The following ASXL2 variants were observed in gnomAD, a reference collection of about 807,000 sequenced individuals.
ASXL2 encodes the protein putative Polycomb group protein ASXL2.
In ASXL2, 23 loss-of-function variants were observed where a neutral mutation model predicts 122.0. The observed-to-expected ratio is 0.19, with a 90% CI of 0.14 to 0.27. The LOEUF (loss-of-function observed/expected upper bound fraction) is 0.27, where lower values mean the gene tolerates loss of function less well. Among genes scored for constraint, ASXL2 ranks in the 10% least tolerant of loss-of-function variants. The pLI, the probability that ASXL2 is intolerant of heterozygous loss-of-function variation, is 1.00. For missense variants in ASXL2, 1,518 were observed against 1,713.8 expected (o/e 0.89, Z 2.02); for synonymous variants, 650 against 637.0 (o/e 1.02, Z -0.31).
intron 1 of ASXL2, chr2:25,856,379 T>G: frequency 2.2e-6 from 1 of 453,402 alleles, no homozygotes; most frequent in South Asian, 2.0e-5. Flanking sequence ...TTTTTTTTTT[T>G]TTTTTGACAC....
intron 3 of ASXL2, among the ~76,000 whole-genome samples, chr2:25,807,810 C>T (rs1362021554): frequency 1.3e-5 from 2 of 152,070 alleles, no homozygotes; most frequent in Non-Finnish European, 2.9e-5. Flanking sequence ...AACATGAGGT[C>T]ATGCCATAGT....
chr2:25,824,132 A>G (rs1005902994), intron 3 of ASXL2, among the ~76,000 whole-genome samples: 1 of 152,212 alleles, frequency 6.6e-6, no homozygotes, highest in African/African-American at 2.4e-5. Context: ...GCTGAAATTA[A>G]TAATTTGAAA....
intron 3 of ASXL2, among the ~76,000 whole-genome samples, chr2:25,833,287 C>T (rs990523790): frequency 6.6e-6 from 1 of 152,200 alleles, no homozygotes; most frequent in African/African-American, 2.4e-5. Flanking sequence ...AAGGTTACTT[C>T]CTACAACTGC....
Position 25,741,933 on chromosome 2 carries a change from A to T in ASXL2, c.*96T>A. On this transcript the variant is annotated 3_prime_UTR_variant, in exon 13 of 13. Transcript: ENST00000435504. ...TTGTCTCTGAAGACAACTGAAACCT[A>T]CTTGTTTATTTCTGTGATTCCAAAA... 1 of 1,203,540 alleles carries T rather than the reference A, an allele frequency of 8.3e-7. No individual in the cohort carries two copies. Among genetic ancestry groups the T allele is most frequent in the Non-Finnish European group, 1.2e-6 (1 of 853,068 alleles). The allele number at this position is 1,203,540 out of a possible 1,614,324, so 74.6% of individuals were successfully genotyped here.
chr2:25,801,977 T>C (rs1204161923), intron 4 of ASXL2, among the ~76,000 whole-genome samples: 1 of 152,218 alleles, frequency 6.6e-6, no homozygotes, highest in Non-Finnish European at 1.5e-5. Flanking sequence ...CCTCCAATGT[T>C]TGATCTCTAC....
intron 9 of ASXL2, among the ~76,000 whole-genome samples, chr2:25,757,405 G>A (rs1229909236): frequency 2.7e-5 from 4 of 150,810 alleles, no homozygotes; most frequent in Non-Finnish European, 4.4e-5. Context: ...TTGGGAGGCC[G>A]AGGCAGGTGG....
chr2:25,866,996 G>A (rs547407661), intron 1 of ASXL2, among the ~76,000 whole-genome samples: 23 of 152,244 alleles, frequency 1.5e-4, no homozygotes, highest in African/African-American at 5.3e-4. Flanking sequence ...CGCCTCCCAG[G>A]TTCAAGCGAT....
intron 5 of ASXL2, among the ~76,000 whole-genome samples, chr2:25,778,458 G>T (rs537723001): frequency 2.9e-4 from 44 of 152,346 alleles, no homozygotes; most frequent in Middle Eastern, 3.4e-3. Flanking sequence ...CTTGCTTTCA[G>T]ACTTCTGGCA....
intron 2 of ASXL2, among the ~76,000 whole-genome samples, chr2:25,836,227 A>T (rs1174910036): frequency 6.6e-6 from 1 of 152,344 alleles, no homozygotes; most frequent in African/African-American, 2.4e-5. Context: ...AAATATTTTT[A>T]AAATGTTTAA....
intron 2 of ASXL2, among the ~76,000 whole-genome samples, chr2:25,836,641 C>A (rs1392123753): frequency 6.6e-6 from 1 of 152,204 alleles, no homozygotes; most frequent in Non-Finnish European, 1.5e-5. Flanking sequence ...AAATCTCAGT[C>A]TCTAAAATGT....
Position 25,740,806 on chromosome 2 carries a change from AAT to A in ASXL2, c.*1221_*1222del, listed in dbSNP as rs998601721. ...GGGCTATATTTTCTAAAACAGGAAA[AAT>A]GTCTTGTATTGTGTGTGTGTGTGTA... On this transcript the variant is annotated 3_prime_UTR_variant, in exon 13 of 13. Transcript: ENST00000435504. 5 of 197,522 alleles carry A rather than the reference AAT, an allele frequency of 2.5e-5. No individual in the cohort carries two copies. The highest frequency in any genetic ancestry group is 5.2e-5 in the Non-Finnish European group (5 of 95,534). The allele number at this position is 197,522 out of a possible 1,614,324, so 12.2% of individuals were successfully genotyped here. A position where few individuals can be genotyped will look rare whatever the true frequency, so the allele number is the denominator to read the frequency against.
chr2:25,771,569 T>C, intron 5 of ASXL2, 29 bp from the exon 6 acceptor site: 1 of 1,573,428 alleles, frequency 6.4e-7, no homozygotes, highest in Non-Finnish European at 8.7e-7. Context: ...CAATAAAAGA[T>C]TTTTGTTAAC....
At chr2:25,822,297 A>C (rs1383311819) in intron 3 of ASXL2, among the ~76,000 whole-genome samples, 4 of 152,092 alleles carry the variant, frequency 2.6e-5, no homozygotes, top group Non-Finnish European at 4.4e-5. Context: ...TGCGCGGTGC[A>C]TTCTGGGGAC....
In ASXL2 at chr2:25,742,512, A is replaced by G. The variant is rs367860439; in HGVS notation, c.3825T>C (p.His1275=). ...LIQAAQKQMA[H]AVRGKAIRSS... ...TACGGATTGCCTTACCTCTCACTGC[A>G]TGAGCCATCTGCTTCTGTGCTGCCT... The change falls in exon 13 of 13, where the codon CAT becomes CAC. Residue 1275 remains histidine, a synonymous_variant. Coordinates refer to ENST00000435504, the MANE Select transcript of ASXL2 (RefSeq NM_018263.6). 7 of 1,613,874 alleles carry G rather than the reference A, an allele frequency of 4.3e-6. 1 individual carries two copies. In the South Asian group the frequency reaches 4.4e-5, roughly 10 times the overall value.
chr2:25,835,577 G>GAA, intron 2 of ASXL2, 37 bp from the exon 3 acceptor site: 1 of 248,662 alleles, frequency 4.0e-6, no homozygotes, highest in Non-Finnish European at 8.6e-6. Flanking sequence ...ATGAAAGAAG[G>GAA]AAAAAAAAAG....
chr2:25,838,012 T>G (rs1157138843), intron 2 of ASXL2, among the ~76,000 whole-genome samples: 1 of 149,976 alleles, frequency 6.7e-6, no homozygotes, highest in African/African-American at 2.5e-5. Context: ...ACGCCTGTGG[T>G]CCCAGCTACT....
intron 7 of ASXL2, 58 bp downstream of exon 7, chr2:25,768,684 C>A: frequency 1.3e-6 from 2 of 1,570,016 alleles, no homozygotes; most frequent in Non-Finnish European, 1.7e-6. Context: ...TCAGGAAAAC[C>A]AACATAAAAA....
At chr2:25,856,567 A>C in intron 1 of ASXL2, 1 of 1,155,422 alleles carries the variant, frequency 8.7e-7, no homozygotes, top group Non-Finnish European at 1.3e-6. Context: ...AGACGCTCCA[A>C]GGGGTAGGGG....
chr2:25,757,474 T>TAAA (rs533398416), intron 9 of ASXL2, among the ~76,000 whole-genome samples: 1 of 98,096 alleles, frequency 1.0e-5, no homozygotes, highest in African/African-American at 3.8e-5. Flanking sequence ...CCGTCTCTAC[T>TAAA]AAAAAAAAAA....
Sources: gnomAD v4.1 joint callset for allele counts (sites outside exome capture counted in the v4.1 genomes callset) on GRCh38, gnomAD v4.1.1 for gene constraint, MANE v1.5 for transcripts, NCBI Gene and HGNC (gene_info 2026-07-23, HGNC 2026-07-21) for gene names.